SLC39A14: variants seen among roughly 807,000 people sequenced by gnomAD.
SLC39A14 encodes the protein metal cation symporter ZIP14.
In SLC39A14, 19 loss-of-function variants were observed where a neutral mutation model predicts 45.5. That is an observed-to-expected ratio of 0.42 (90% CI 0.29 to 0.61). The LOEUF is 0.61. Ranked by LOEUF, SLC39A14 falls within the 20% of genes least tolerant of loss-of-function variation. The pLI is 0.22. For missense variants in SLC39A14, 447 were observed against 616.5 expected, an observed-to-expected ratio of 0.73 and a Z score of 2.91; for synonymous variants, 264 against 251.3, an observed-to-expected ratio of 1.05 and a Z score of -0.48.
At chr8:22,396,068 G>T (rs189616541) in intron 1 of SLC39A14, among the ~76,000 whole-genome samples, 19 of 152,104 alleles carry the variant, frequency 1.2e-4, no homozygotes, top group African/African-American at 4.6e-4. Flanking sequence ...TTTTCCGTTA[G>T]AAGAGAAGGC....
rs1040906206 is a variant in SLC39A14 at position 22,373,119 on chromosome 8, TG to T, written c.-16+5714del. On this transcript the variant is annotated intron_variant, in intron 1 of 8. Transcript: ENST00000381237. ...TCTACTAAAAATACAAAAAATTAGCTGGGTGTGGTGGTGCACGCCTGTAGTC... is the reference window on the plus strand; with the variant it reads ...TCTACTAAAAATACAAAAAATTAGCTGGTGTGGTGGTGCACGCCTGTAGTC... Among the ~76,000 whole-genome samples, 7 of 151,870 alleles carry T rather than the reference TG, an allele frequency of 4.6e-5. No homozygotes were observed. In the South Asian group the frequency reaches 1.0e-3, roughly 23 times the overall value.
chr8:22,419,846 G>T lies in SLC39A14; in HGVS notation c.*148G>T. 1 of 1,367,450 alleles carries T rather than the reference G, an allele frequency of 7.3e-7. No individual in the cohort carries two copies. The highest frequency in any genetic ancestry group is 2.7e-4 in the Middle Eastern group (1 of 3,640). 84.7% of individuals were successfully genotyped at this position (1,367,450 alleles called of 1,614,324 possible). On this transcript the variant is annotated 3_prime_UTR_variant, in exon 9 of 9. Transcript: ENST00000381237. ...GTATTCCTGCATTCAAATGTCAGCC[G>T]TTTGTAAAATGCTGTATCCTAGGAA...
chr8:22,411,589 C>T (rs1835570631), intron 3 of SLC39A14, among the ~76,000 whole-genome samples: 1 of 152,190 alleles, frequency 6.6e-6, no homozygotes, highest in Non-Finnish European at 1.5e-5. Context: ...CCTCTTTCCA[C>T]CTGCTTGCAT....
At chr8:22,374,771 G>GA (rs1401497082) in intron 1 of SLC39A14, among the ~76,000 whole-genome samples, 1 of 136,972 alleles carries the variant, frequency 7.3e-6, no homozygotes, top group East Asian at 2.1e-4. Flanking sequence ...TTTGAGACAG[G>GA]GTCTCACTCT....
At chr8:22,396,210 T>TGAGAGAGAGAGAGAGAG in intron 1 of SLC39A14, among the ~76,000 whole-genome samples, 1 of 150,996 alleles carries the variant, frequency 6.6e-6, no homozygotes, top group African/African-American at 2.4e-5. Flanking sequence ...CTACTAAAAA[T>TGAGAGAGAGAGAGAGAG]ACAAAAATTA....
rs143040011 is a variant in SLC39A14 at position 22,372,718 on chromosome 8, A to T, written c.-16+5310A>T. On this transcript the variant is annotated intron_variant, in intron 1 of 8. Coordinates refer to ENST00000381237, the MANE Select transcript of SLC39A14 (RefSeq NM_001128431.4). The stretch of plus-strand genomic sequence containing the variant: ...AAATCTTTCTAGATGAGTAATTCTC[A>T]AACTTTTTGATGCTAGGACCCCTTA... Among the ~76,000 whole-genome samples the T allele has an allele frequency of 1.8e-4, 27 of 152,288 alleles. No individual in the cohort carries two copies. The East Asian group carries it at 5.2e-3, about 29-fold the overall frequency.
chr8:22,385,198 C>G (rs1228797438), intron 1 of SLC39A14, among the ~76,000 whole-genome samples: 1 of 152,198 alleles, frequency 6.6e-6, no homozygotes, highest in Non-Finnish European at 1.5e-5. Flanking sequence ...GGTCCCTGCC[C>G]TCTCCCCAAG....
At chr8:22,368,845 C>T (rs1194278690) in intron 1 of SLC39A14, among the ~76,000 whole-genome samples, 1 of 152,092 alleles carries the variant, frequency 6.6e-6, no homozygotes, top group Non-Finnish European at 1.5e-5. Flanking sequence ...CTATCCTTAC[C>T]TCTTAAAACC....
chr8:22,419,957 G>T lies in SLC39A14; in HGVS notation c.*259G>T. The T allele has an allele frequency of 8.5e-7, 1 of 1,180,284 alleles. No individual in the cohort carries two copies. The highest frequency in any genetic ancestry group is 1.6e-5 in the African/African-American group (1 of 63,984). The allele number at this position is 1,180,284 out of a possible 1,614,324, so 73.1% of individuals were successfully genotyped here. A position where few individuals can be genotyped will look rare whatever the true frequency, so the allele number is the denominator to read the frequency against. On this transcript the variant is annotated 3_prime_UTR_variant, in exon 9 of 9. Coordinates refer to ENST00000381237, the MANE Select transcript of SLC39A14 (RefSeq NM_001128431.4). ...CTCTCAGTGACTCTGGAACCTGAAT[G>T]CAGCTTACAAGACAAGCCTGACTTT... is the stretch of plus-strand genomic sequence containing the variant.
rs532845513 is a variant in SLC39A14 at position 22,387,696 on chromosome 8, A to G, written c.-15-17000A>G. 8.5e-5 allele frequency among the ~76,000 whole-genome samples: 13 copies of G among 152,306 alleles called. No homozygotes were observed. The South Asian group carries it at 2.7e-3, about 32-fold the overall frequency. ...GAGAGCTGGGTGTGATATGAGCCAG[A>G]AGCCTCTGTCCTGGAACCCATTTGT... On this transcript the variant is annotated intron_variant, in intron 1 of 8. Transcript: ENST00000381237.
chr8:22,415,605 T>C, intron 5 of SLC39A14, 164 bp from the exon 6 acceptor site: 1 of 638,454 alleles, frequency 1.6e-6, no homozygotes, highest in Non-Finnish European at 2.6e-6. Context: ...CATGGCTTTA[T>C]ATAATAGCTT....
chr8:22,416,132 C>T lies in SLC39A14; in HGVS notation c.999C>T (p.Ile333=), dbSNP rs150010136. ...TGAAAGGTGTCCGCTACTCTGATAT[C>T]GGCACTCTGGCCTGGATGATCACTC... ...YWLKGVRYSD[I]GTLAWMITLS... is the part of the protein sequence containing the mutation. Residue 333 remains isoleucine (I), a synonymous_variant, in exon 7 of 9, where the codon ATC becomes ATT. Transcript: ENST00000381237. 2.3e-4 allele frequency: 377 copies of T among 1,614,052 alleles called. 1 individual carries two copies. Among genetic ancestry groups the T allele is most frequent in the Non-Finnish European group, 2.9e-4 (343 of 1,179,988 alleles).
At chr8:22,425,901 T>G (rs553007185), downstream of SLC39A14, among the ~76,000 whole-genome samples, 33 of 89,812 alleles carry the variant, frequency 3.7e-4, 2 homozygotes, top group South Asian at 0.012. Context: ...TTTTTTTTTG[T>G]TTTTTTTTGA....
At chr8:22,376,218 C>T (rs1407007892) in intron 1 of SLC39A14, among the ~76,000 whole-genome samples, 2 of 152,034 alleles carry the variant, frequency 1.3e-5, no homozygotes, top group Non-Finnish European at 2.9e-5. Flanking sequence ...AGTGCACAGG[C>T]TGGAGGGCAG....
chr8:22,396,986 C>T (rs6998575), intron 1 of SLC39A14, among the ~76,000 whole-genome samples: 74,518 of 150,998 alleles, frequency 0.49, 18,519 homozygotes, highest in East Asian at 0.77. Context: ...TTTAAAAGTT[C>T]TACTCATTTT....
chr8:22,422,754 G>C, downstream of SLC39A14: 1 of 977,198 alleles, frequency 1.0e-6, no homozygotes, highest in Non-Finnish European at 1.2e-6. Context: ...TGGCGATGGT[G>C]TCTCACTGAC....
intron 5 of SLC39A14, 42 bp from the exon 6 acceptor site, chr8:22,415,715 CAGGTTTGTGGTT>C: frequency 1.3e-6 from 2 of 1,545,066 alleles, no homozygotes; most frequent in Admixed American, 2.0e-5. Context: ...GGTGCTCAAT[CAGGTTTGTGGTT>C]TTGGTGAATG....
intron 1 of SLC39A14, among the ~76,000 whole-genome samples, chr8:22,369,523 C>G (rs1374089921): frequency 6.6e-6 from 1 of 152,216 alleles, no homozygotes. Flanking sequence ...GCCTGGCCCC[C>G]ACCCTTCCAG....
chr8:22,370,108 G>A (rs1832846842), intron 1 of SLC39A14, among the ~76,000 whole-genome samples: 1 of 152,200 alleles, frequency 6.6e-6, no homozygotes, highest in South Asian at 2.1e-4. Context: ...TAGCCAGGAA[G>A]GAGTAACAAT....
Sources: allele counts gnomAD v4.1 joint callset (sites outside exome capture counted in the v4.1 genomes callset), GRCh38; gene constraint gnomAD v4.1.1; transcripts MANE v1.5; gene names NCBI Gene and HGNC (gene_info 2026-07-23, HGNC 2026-07-21).